The following SLIT2 variants were observed in gnomAD, a reference collection of about 807,000 sequenced individuals.
SLIT2 encodes the protein slit homolog 2 protein.
Under a neutral mutation model 185.7 loss-of-function variants are expected in SLIT2, and 41 were observed. The observed-to-expected ratio is 0.22, with a 90% CI of 0.17 to 0.29. The LOEUF (loss-of-function observed/expected upper bound fraction) is 0.29. Ranked by LOEUF, SLIT2 falls within the 10% of genes least tolerant of loss-of-function variation. The pLI is 1.00. For synonymous variants in SLIT2, 693 were observed against 680.2 expected (o/e 1.02, Z -0.29); for missense variants, 1,571 against 1,909.0 (o/e 0.82, Z 3.30).
intron 4 of SLIT2, among the ~76,000 whole-genome samples, chr4:20,353,543 G>A (rs553941306): frequency 2.0e-5 from 3 of 152,112 alleles, no homozygotes; most frequent in South Asian, 2.1e-4. Context: ...AACAAAAAGC[G>A]GTTATTTTAT....
At position 20,549,038 on chromosome 4, in the gene SLIT2, G is replaced by T; in HGVS notation, c.2418-19G>T. Reference sequence around the variant, plus strand: ...TTTGGATTTCTGAATAAAACAAATTGACATATGTATGCTTTCAGAATTCTT... The same window carrying T: ...TTTGGATTTCTGAATAAAACAAATTTACATATGTATGCTTTCAGAATTCTT... On this transcript the variant is annotated intron_variant, in intron 23 of 36. Transcript: ENST00000504154. The T allele has an allele frequency of 6.8e-7, 1 of 1,480,352 alleles. No individual in the cohort carries two copies. Among genetic ancestry groups the T allele is most frequent in the South Asian group, 1.1e-5 (1 of 87,578 alleles). The allele number at this position is 1,480,352 out of a possible 1,614,324, so 91.7% of individuals were successfully genotyped here.
At chr4:20,363,344 T>C (rs1722881765) in intron 4 of SLIT2, among the ~76,000 whole-genome samples, 1 of 152,140 alleles carries the variant, frequency 6.6e-6, no homozygotes, top group Non-Finnish European at 1.5e-5. Flanking sequence ...AATCCACAGA[T>C]ATAAACTATA....
intron 4 of SLIT2, among the ~76,000 whole-genome samples, chr4:20,278,254 T>C (rs979776735): frequency 6.6e-6 from 1 of 152,002 alleles, no homozygotes; most frequent in Admixed American, 6.6e-5. Context: ...GTTGTTTAAA[T>C]TCAAATGCCT....
intron 32 of SLIT2, 81 bp downstream of exon 32, chr4:20,596,736 ATGAT>A: frequency 7.2e-7 from 1 of 1,389,802 alleles, no homozygotes; most frequent in Non-Finnish European, 9.8e-7. Context: ...TAGCTTCTGA[ATGAT>A]TGATAGTATG....
rs78545922 is a variant in SLIT2 at position 20,274,012 on chromosome 4, A to G, written c.395+5131A>G. Among the ~76,000 whole-genome samples, 4 of 152,270 alleles carry G rather than the reference A, an allele frequency of 2.6e-5. No homozygotes were observed. The East Asian group carries it at 7.7e-4, about 29-fold the overall frequency. ...ATCATTACTCATCTAGCGCGCTGCC[A>G]TGATAGCTACCGCTGATTTCTGTTG... On this transcript the variant is annotated intron_variant, in intron 4 of 36. Transcript: ENST00000504154.
chr4:20,265,054 T>C (rs1231442808), intron 3 of SLIT2, among the ~76,000 whole-genome samples: 2 of 151,992 alleles, frequency 1.3e-5, no homozygotes, highest in Non-Finnish European at 2.9e-5. Context: ...GTGATATCTT[T>C]AATTCACTAC....
At chr4:20,401,983 C>T (rs942722635) in intron 4 of SLIT2, among the ~76,000 whole-genome samples, 1 of 151,470 alleles carries the variant, frequency 6.6e-6, no homozygotes, top group African/African-American at 2.4e-5. Context: ...TTTATTCTTT[C>T]TCATTTGATT....
At chr4:20,569,036 T>A in intron 29 of SLIT2, 32 bp downstream of exon 29, 5 of 1,588,136 alleles carry the variant, frequency 3.1e-6, no homozygotes, top group Non-Finnish European at 4.3e-6. Context: ...TTGCCTTCCA[T>A]CAGTATATCT....
chr4:20,532,939 T>A (rs1721935187), intron 17 of SLIT2, among the ~76,000 whole-genome samples: 1 of 152,266 alleles, frequency 6.6e-6, no homozygotes, highest in East Asian at 1.9e-4. Flanking sequence ...TGATCCTTGT[T>A]TGGGAGACAC....
chr4:20,262,132 A>C (rs1002462017), intron 3 of SLIT2, among the ~76,000 whole-genome samples: 1 of 151,874 alleles, frequency 6.6e-6, no homozygotes, highest in African/African-American at 2.4e-5. Flanking sequence ...TTCTTTTTAA[A>C]TTAGAAAAGT....
chr4:20,459,659 T>G (rs1713478034), intron 4 of SLIT2, among the ~76,000 whole-genome samples: 1 of 152,112 alleles, frequency 6.6e-6, no homozygotes, highest in Admixed American at 6.6e-5. Flanking sequence ...TCTCCAACAT[T>G]TTATAAAACA....
chr4:20,382,785 T>G (rs1375205472), intron 4 of SLIT2, among the ~76,000 whole-genome samples: 1 of 152,098 alleles, frequency 6.6e-6, no homozygotes, highest in Non-Finnish European at 1.5e-5. Flanking sequence ...TCTGTGGAAA[T>G]TGACAAACTA....
At chr4:20,482,290 A>G (rs1716778831) in intron 6 of SLIT2, among the ~76,000 whole-genome samples, 1 of 151,996 alleles carries the variant, frequency 6.6e-6, no homozygotes, top group Non-Finnish European at 1.5e-5. Flanking sequence ...GATGAATTAA[A>G]TCCCATAAAT....
At chr4:20,586,692 A>G (rs779247201) in intron 29 of SLIT2, among the ~76,000 whole-genome samples, 8 of 152,232 alleles carry the variant, frequency 5.3e-5, no homozygotes, top group African/African-American at 7.2e-5. Context: ...TATACCATGT[A>G]TATGTCATAA....
chr4:20,280,099 G>A (rs972640220), intron 4 of SLIT2, among the ~76,000 whole-genome samples: 2 of 151,804 alleles, frequency 1.3e-5, no homozygotes, highest in East Asian at 1.9e-4. Context: ...TTTGGGAGGC[G>A]GAGGTGGGCG....
At position 20,523,830 on chromosome 4, in the gene SLIT2, C is replaced by T. The variant is rs1170760541; in HGVS notation, c.1201C>T (p.Leu401Phe). 1 of 1,613,842 alleles carries T rather than the reference C, an allele frequency of 6.2e-7. No homozygotes were observed. Among genetic ancestry groups the T allele is most frequent in the Non-Finnish European group, 8.5e-7 (1 of 1,179,718 alleles). ...AFQDLHNLNL[L>F]SLYDNKLQTI... ...TCAGGATCTCCACAACTTGAACCTT[C>T]TCTCCCTATATGACAACAAGCTTCA... Residue 401 changes from leucine to phenylalanine, a missense_variant, in exon 13 of 37, where the codon CTC becomes TTC. This residue lies in a region of SLIT2 where 1,202 missense variants were observed against 1,416.4 expected (regional missense o/e 0.85). Coordinates refer to ENST00000504154, the MANE Select transcript of SLIT2 (RefSeq NM_004787.4).
chr4:20,377,940 A>G (rs1724170471), intron 4 of SLIT2, among the ~76,000 whole-genome samples: 2 of 152,190 alleles, frequency 1.3e-5, no homozygotes, highest in Admixed American at 1.3e-4. Flanking sequence ...TATTGAAATC[A>G]ATAATCACCA....
intron 4 of SLIT2, among the ~76,000 whole-genome samples, chr4:20,297,650 A>C (rs1032902007): frequency 6.6e-6 from 1 of 151,622 alleles, no homozygotes; most frequent in Non-Finnish European, 1.5e-5. Flanking sequence ...AGTTGTTAAG[A>C]GATGCAATAT....
intron 9 of SLIT2, among the ~76,000 whole-genome samples, chr4:20,498,412 G>A (rs949882303): frequency 6.6e-6 from 1 of 152,070 alleles, no homozygotes; most frequent in Non-Finnish European, 1.5e-5. Context: ...CTGGTCTATG[G>A]CAACACAATC....
Sources: gnomAD v4.1 joint callset for allele counts (sites outside exome capture counted in the v4.1 genomes callset) on GRCh38, gnomAD v4.1.1 for gene constraint, gnomAD v4.1.1 regional missense constraint, MANE v1.5 for transcripts, NCBI Gene and HGNC (gene_info 2026-07-23, HGNC 2026-07-21) for gene names.